The following BTN1A1 variants were observed in gnomAD, a reference collection of about 807,000 sequenced individuals.
BTN1A1 encodes the protein butyrophilin subfamily 1 member A1, also known as bK14H9.2 (butyrophilin, subfamily 1, member A1).
BTN1A1 carries 26 observed loss-of-function variants against 33.1 expected under a neutral mutation model. The observed-to-expected ratio is 0.79, with a 90% CI of 0.58 to 1.09. The LOEUF (loss-of-function observed/expected upper bound fraction) is 1.09, where lower values mean the gene tolerates loss of function less well. Ranked by LOEUF, BTN1A1 falls within the 50% of genes least tolerant of loss-of-function variation. The pLI, the probability that BTN1A1 is intolerant of heterozygous loss-of-function variation, is 0.00. For synonymous variants in BTN1A1, 235 were observed against 256.2 expected (o/e 0.92, Z 0.79); for missense variants, 558 against 655.7 (o/e 0.85, Z 1.63).
chr6:26,508,443 A>C, intron 7 of BTN1A1, 58 bp from the exon 8 acceptor site: 1 of 1,516,450 alleles, frequency 6.6e-7, no homozygotes, highest in African/African-American at 1.4e-5. Flanking sequence ...AGAAGGAAAG[A>C]CAGTCCTGCA....
intron 3 of BTN1A1, among the ~76,000 whole-genome samples, chr6:26,504,607 C>A (rs9461259): frequency 0.5 from 76,092 of 151,786 alleles, 19,323 homozygotes; most frequent in East Asian, 0.74. Flanking sequence ...CCAACCTCAG[C>A]CTCCCAAGTA....
chr6:26,509,779 T>A lies in BTN1A1; in HGVS notation c.*605T>A, dbSNP rs1258919603. ...GCCCCACTTCTATGGGTCTGAGCTG[T>A]GGAAAAGGGAGAGCAGAGAGGAACT... On this transcript the variant is annotated 3_prime_UTR_variant, in exon 8 of 8. Coordinates refer to ENST00000684113, the MANE Select transcript of BTN1A1 (RefSeq NM_001732.3). 2 of 152,500 alleles carry A rather than the reference T, an allele frequency of 1.3e-5. No homozygotes were observed. The highest frequency in any genetic ancestry group is 4.8e-5 in the African/African-American group (2 of 41,418). 9.4% of individuals were successfully genotyped at this position (152,500 alleles called of 1,614,324 possible). A position where few individuals can be genotyped will look rare whatever the true frequency, so the allele number is the denominator to read the frequency against.
rs746495723 is a variant in BTN1A1, at chr6:26,509,057, C to T, written c.1464C>T (p.Ala488=). 2.5e-6 allele frequency: 4 copies of T among 1,614,180 alleles called. No homozygotes were observed. The highest frequency in any genetic ancestry group is 1.7e-6 in the Non-Finnish European group (2 of 1,180,032). Residue 488 remains alanine (A), a synonymous_variant, in exon 8 of 8, where the codon GCC becomes GCT. Coordinates refer to ENST00000684113, the MANE Select transcript of BTN1A1 (RefSeq NM_001732.3). The part of the protein sequence containing the change: ...GPERVTVIAN[A]QDLSKEIPLS... ...AGAGGGTCACAGTCATTGCTAATGC[C>T]CAGGACCTTTCTAAGGAGATCCCAT... is the stretch of plus-strand genomic sequence containing the variant.
chr6:26,508,457 T>TA (rs765355838), intron 7 of BTN1A1, 44 bp from the exon 8 acceptor site: 5 of 1,555,108 alleles, frequency 3.2e-6, no homozygotes, highest in Non-Finnish European at 3.5e-6. Context: ...TCCTGCAACC[T>TA]GTAATATTCA....
intron 5 of BTN1A1, among the ~76,000 whole-genome samples, chr6:26,507,554 C>T (rs1366879116): frequency 6.6e-6 from 1 of 151,840 alleles, no homozygotes; most frequent in Non-Finnish European, 1.5e-5. Context: ...GGTGAAACCC[C>T]GTCTCTAATG....
Position 26,508,508 on chromosome 6 carries a change from G to C in BTN1A1, c.915G>C (p.Val305=), listed in dbSNP as rs1314277181. 1.9e-6 allele frequency: 3 copies of C among 1,611,074 alleles called. No homozygotes were observed. Among genetic ancestry groups the C allele is most frequent in the East Asian group, 2.2e-5 (1 of 44,878 alleles). ...WKKATLHAVD[V]TLDPDTAHPH... Reference sequence around the variant, plus strand: ...CTGTTTCTTTCTCTCCAGTTGATGTGACTCTGGACCCAGACACAGCTCATC... The same window carrying C: ...CTGTTTCTTTCTCTCCAGTTGATGTCACTCTGGACCCAGACACAGCTCATC... Residue 305 remains valine, a synonymous_variant, in exon 8 of 8, where the codon GTG becomes GTC. Transcript: ENST00000684113.
intron 4 of BTN1A1, 134 bp from the exon 5 acceptor site, chr6:26,506,549 G>C (rs567481495): frequency 8.0e-6 from 7 of 871,452 alleles, no homozygotes; most frequent in African/African-American, 5.1e-5. Context: ...GCATTGGAGT[G>C]ACTATTTTTT....
chr6:26,503,291 C>A (rs1374953040), intron 3 of BTN1A1, among the ~76,000 whole-genome samples: 1 of 152,000 alleles, frequency 6.6e-6, no homozygotes, highest in Non-Finnish European at 1.5e-5. Flanking sequence ...TCAAGACCAG[C>A]CTGGCCAACA....
chr6:26,507,923 A>G, intron 5 of BTN1A1, 27 bp from the exon 6 acceptor site: 1 of 1,613,652 alleles, frequency 6.2e-7, no homozygotes. Flanking sequence ...ATAGAAAGCC[A>G]TTGAGGTATT....
In BTN1A1 at chr6:26,508,041, A is replaced by T. The variant is rs762906905; in HGVS notation, c.881-20A>T. 5.0e-6 allele frequency: 8 copies of T among 1,612,462 alleles called. No homozygotes were observed. The highest frequency in any genetic ancestry group is 6.8e-6 in the Non-Finnish European group (8 of 1,179,634). On this transcript the variant is annotated intron_variant, in intron 6 of 7. Coordinates refer to ENST00000684113, the MANE Select transcript of BTN1A1 (RefSeq NM_001732.3). ...CTTATTATATAACCTGTCAATGACT[A>T]TCTTTCTCTTTTGTTGCAGAATGGA... is the stretch of plus-strand genomic sequence containing the variant.
rs1561886239 is a variant in BTN1A1 at position 26,510,294 on chromosome 6, C to T, written c.*1120C>T. 6.6e-6 allele frequency: 1 copy of T among 152,428 alleles called. No individual in the cohort carries two copies. Among genetic ancestry groups the T allele is most frequent in the Non-Finnish European group, 1.5e-5 (1 of 68,106 alleles). The allele number at this position is 152,428 out of a possible 1,614,324, so 9.4% of individuals were successfully genotyped here. A position where few individuals can be genotyped will look rare whatever the true frequency, so the allele number is the denominator to read the frequency against. ...TGTGTATTTGCCCCTGAGCACTTTC[C>T]TTTACACATGTGGCTTGTCTTGCCA... is the stretch of plus-strand genomic sequence containing the variant. On this transcript the variant is annotated 3_prime_UTR_variant, in exon 8 of 8. Coordinates refer to ENST00000684113, the MANE Select transcript of BTN1A1 (RefSeq NM_001732.3).
intron 7 of BTN1A1, 28 bp from the exon 8 acceptor site, chr6:26,508,473 G>T (rs375023084): frequency 5.0e-6 from 8 of 1,588,408 alleles, no homozygotes; most frequent in Non-Finnish European, 6.9e-6. Context: ...ATTCACTGAT[G>T]TCAGACCTGC....
At chr6:26,506,555 T>C in intron 4 of BTN1A1, 128 bp from the exon 5 acceptor site, 1 of 963,416 alleles carries the variant, frequency 1.0e-6, no homozygotes, top group Non-Finnish European at 1.6e-6. Flanking sequence ...GAGTGACTAT[T>C]TTTTTGCTAT....
At chr6:26,506,271 T>A (rs1309159710) in intron 4 of BTN1A1, among the ~76,000 whole-genome samples, 1 of 152,164 alleles carries the variant, frequency 6.6e-6, no homozygotes, top group Non-Finnish European at 1.5e-5. Flanking sequence ...AGATACTGTC[T>A]CTGGTTCAGG....
intron 3 of BTN1A1, 142 bp from the exon 4 acceptor site, chr6:26,504,783 T>A: frequency 3.7e-6 from 3 of 815,726 alleles, no homozygotes; most frequent in Non-Finnish European, 5.7e-6. Context: ...CCTTGTATAT[T>A]GAAATATGGA....
At position 26,508,805 on chromosome 6, in the gene BTN1A1, G is replaced by A. The variant is rs1453849119; in HGVS notation, c.1212G>A (p.Trp404Ter). The part of the protein sequence containing the change: ...WAVELYGNGY[W>*]ALTPLRTPLP... ...TAGAGTTGTATGGAAATGGGTACTGGGCCCTCACTCCTCTCCGGACCCCTC... is the reference window on the plus strand; with the variant it reads ...TAGAGTTGTATGGAAATGGGTACTGAGCCCTCACTCCTCTCCGGACCCCTC... Residue 404 changes from tryptophan to a stop codon, truncating the protein, a stop_gained, in exon 8 of 8, where the codon TGG (tryptophan) becomes TGA (stop). Coordinates refer to ENST00000684113, the MANE Select transcript of BTN1A1 (RefSeq NM_001732.3). LOFTEE classifies it low-confidence loss of function (END_TRUNC). 6.2e-7 allele frequency: 1 copy of A among 1,614,020 alleles called. No homozygotes were observed.
intron 3 of BTN1A1, 64 bp from the exon 4 acceptor site, chr6:26,504,861 C>G: frequency 6.6e-7 from 1 of 1,510,780 alleles, no homozygotes; most frequent in African/African-American, 1.4e-5. Flanking sequence ...CTATGTAGCT[C>G]TCTGGTTATA....
At chr6:26,508,108 C>G (rs1375300181) in intron 7 of BTN1A1, 21 bp downstream of exon 7, 3 of 1,599,132 alleles carry the variant, frequency 1.9e-6, no homozygotes, top group Non-Finnish European at 2.6e-6. Context: ...CTGAACTTCT[C>G]TAGGGCTCTG....
At chr6:26,503,979 G>A (rs1006658296) in intron 3 of BTN1A1, among the ~76,000 whole-genome samples, 3 of 152,050 alleles carry the variant, frequency 2.0e-5, no homozygotes, top group Admixed American at 6.6e-5. Flanking sequence ...TTAACCAGTG[G>A]TTGTGGAAAT....
Sources: allele counts gnomAD v4.1 joint callset (sites outside exome capture counted in the v4.1 genomes callset), GRCh38; gene constraint gnomAD v4.1.1; transcripts MANE v1.5; gene names NCBI Gene and HGNC (gene_info 2026-07-23, HGNC 2026-07-21).